Variants in CPS1 observed in about 807,000 individuals in gnomAD.
CPS1 encodes the protein carbamoyl-phosphate synthase [ammonia], mitochondrial.
CPS1 carries 109 observed loss-of-function variants against 174.6 expected under a neutral mutation model. The ratio of observed to expected loss-of-function variants is 0.62; its 90% CI spans 0.53 to 0.73. The LOEUF is 0.73. Among genes scored for constraint, CPS1 ranks in the 30% least tolerant of loss-of-function variants. The probability of loss-of-function intolerance (pLI) is 0.00; values close to 1 mark genes in which losing one functional copy is unlikely to be tolerated. For synonymous variants in CPS1, 637 were observed against 632.0 expected (o/e 1.01, Z -0.12); for missense variants, 1,689 against 1,821.9 (o/e 0.93, Z 1.33).
At chr2:210,540,737 C>A (rs1193848076) in intron 1 of CPS1, among the ~76,000 whole-genome samples, 1 of 152,092 alleles carries the variant, frequency 6.6e-6, no homozygotes, top group African/African-American at 2.4e-5. Flanking sequence ...AATTTCGGAA[C>A]CTTTTAAAAT....
At chr2:210,665,650 T>C (rs1200954701) in intron 33 of CPS1, among the ~76,000 whole-genome samples, 1 of 151,928 alleles carries the variant, frequency 6.6e-6, no homozygotes, top group Non-Finnish European at 1.5e-5. Flanking sequence ...ACAAAGGACA[T>C]GAACTCATCA....
chr2:210,652,721 T>C (rs1336304685), intron 28 of CPS1, among the ~76,000 whole-genome samples: 6 of 152,166 alleles, frequency 3.9e-5, no homozygotes, highest in Non-Finnish European at 7.4e-5. Context: ...GCAAGGGTTA[T>C]TATAATAGGT....
chr2:210,557,317 T>C (rs1417013298), intron 1 of CPS1, among the ~76,000 whole-genome samples: 11 of 152,106 alleles, frequency 7.2e-5, no homozygotes, highest in African/African-American at 2.7e-4. Context: ...AAAAACATAA[T>C]TAGAAAATAT....
chr2:210,492,950 T>C (rs1383059964), intron 1 of CPS1, among the ~76,000 whole-genome samples: 1 of 152,154 alleles, frequency 6.6e-6, no homozygotes, highest in Non-Finnish European at 1.5e-5. Context: ...TTCAAAGTAC[T>C]GACACATAGA....
upstream of CPS1, among the ~76,000 whole-genome samples, chr2:210,552,529 G>A (rs1696757818): frequency 6.6e-6 from 1 of 151,866 alleles, no homozygotes. Context: ...ATTTCAAGAG[G>A]GCAGTTGGAA....
intron 1 of CPS1, among the ~76,000 whole-genome samples, chr2:210,559,633 A>G (rs901100733): frequency 4.6e-5 from 7 of 152,136 alleles, no homozygotes; most frequent in African/African-American, 7.2e-5. Context: ...AGTACTGAAA[A>G]TGTTCAGCAC....
At chr2:210,571,198 TAAATTTAGTGAAGA>T (rs1275683095) in intron 1 of CPS1, among the ~76,000 whole-genome samples, 3 of 151,966 alleles carry the variant, frequency 2.0e-5, no homozygotes, top group African/African-American at 7.2e-5. Context: ...AAAGTATTTT[TAAATTTAGTGAAGA>T]CAAACTCCAA....
intron 21 of CPS1, among the ~76,000 whole-genome samples, chr2:210,634,809 A>C (rs921722157): frequency 6.6e-6 from 1 of 152,230 alleles, no homozygotes; most frequent in Non-Finnish European, 1.5e-5. Flanking sequence ...ATGACAATGA[A>C]TGTGGCTACC....
chr2:210,598,906 A>G (rs954687215), intron 13 of CPS1, among the ~76,000 whole-genome samples: 3 of 151,938 alleles, frequency 2.0e-5, no homozygotes, highest in African/African-American at 7.2e-5. Context: ...AAACAACAGA[A>G]TATACATTTT....
intron 4 of CPS1, 102 bp downstream of exon 4, chr2:210,577,612 G>T: frequency 5.6e-6 from 5 of 889,796 alleles, no homozygotes; most frequent in Non-Finnish European, 9.6e-6. Flanking sequence ...ATGTAGTTTG[G>T]GATCTTTGCA....
chr2:210,514,528 T>C (rs1413212940), intron 1 of CPS1, among the ~76,000 whole-genome samples: 2 of 151,916 alleles, frequency 1.3e-5, no homozygotes, highest in Non-Finnish European at 2.9e-5. Context: ...TACATTGATT[T>C]TATATTGTGA....
chr2:210,663,275 AATAAAG>A lies in CPS1; in HGVS notation c.4002+79_4002+84del, dbSNP rs1267351047. 3 of 1,346,862 alleles carry A rather than the reference AATAAAG, an allele frequency of 2.2e-6. No individual in the cohort carries two copies. In the African/African-American group the frequency reaches 4.3e-5, roughly 19 times the overall value. The allele number at this position is 1,346,862 out of a possible 1,614,324, so 83.4% of individuals were successfully genotyped here. A position where few individuals can be genotyped will look rare whatever the true frequency, so the allele number is the denominator to read the frequency against. ...TGGTTTTATGATTTGAATACAGTAA[AATAAAG>A]GGAATAAAAACATCTGCTATCAGAG... On this transcript the variant is annotated intron_variant, in intron 33 of 37. Transcript: ENST00000233072.
rs764150301 is a variant in CPS1 at position 210,648,531 on chromosome 2, A to G, written c.3395A>G (p.Tyr1132Cys). Residue 1132 changes from tyrosine (Y) to cysteine (C), a missense_variant, in exon 27 of 38, where the codon TAT becomes TGT. By Grantham distance (194) the Tyr-to-Cys change is radical. Transcript: ENST00000233072. ...VDYPCLLRPS[Y>C]VLSGSAMNVV... is the part of the protein sequence containing the mutation. ...TACCCCTGCTTGTTGAGGCCTTCCT[A>G]TGTTTTGAGGTAACACTGTATATTG... The G allele has an allele frequency of 5.6e-6, 9 of 1,613,360 alleles. No individual in the cohort carries two copies. The highest frequency in any genetic ancestry group is 3.3e-5 in the South Asian group (3 of 91,068).
intron 37 of CPS1, 55 bp from the exon 38 acceptor site, chr2:210,677,832 T>C: frequency 1.5e-6 from 2 of 1,368,972 alleles, no homozygotes; most frequent in East Asian, 4.6e-5. Context: ...CTTCATTCAT[T>C]AAAAATTCAC....
At chr2:210,505,993 C>T (rs1695271825) in intron 1 of CPS1, among the ~76,000 whole-genome samples, 1 of 152,188 alleles carries the variant, frequency 6.6e-6, no homozygotes, top group Non-Finnish European at 1.5e-5. Flanking sequence ...CAGCAGAAAC[C>T]TCTGCAGACT....
chr2:210,656,456 G>C, intron 29 of CPS1, 69 bp from the exon 30 acceptor site: 1 of 1,071,866 alleles, frequency 9.3e-7, no homozygotes, highest in South Asian at 1.3e-5. Flanking sequence ...GGGAGGATGA[G>C]GGAGTAGCTT....
chr2:210,518,224 T>C (rs894977659), intron 1 of CPS1, among the ~76,000 whole-genome samples: 1 of 152,016 alleles, frequency 6.6e-6, no homozygotes. Flanking sequence ...ATCTCTATGA[T>C]GATGCTGTTA....
In CPS1 at chr2:210,594,615, G is replaced by A; in HGVS notation, c.1263+9G>A. 6.3e-7 allele frequency: 1 copy of A among 1,599,168 alleles called. No homozygotes were observed. Among genetic ancestry groups the A allele is most frequent in the Non-Finnish European group, 8.6e-7 (1 of 1,167,452 alleles). On this transcript the variant is annotated intron_variant, in intron 12 of 37. Transcript: ENST00000233072. ...TTGCATCTCGGGTTGAGGTCAGTAT[G>A]TGGGCTTATTTTTGGTTTATGAATT...
At chr2:210,533,137 G>A (rs1297631253) in intron 1 of CPS1, among the ~76,000 whole-genome samples, 1 of 152,102 alleles carries the variant, frequency 6.6e-6, no homozygotes, top group East Asian at 1.9e-4. Context: ...CACCTGGTGA[G>A]GTCTATCTCT....
Sources: gnomAD v4.1 joint callset for allele counts (sites outside exome capture counted in the v4.1 genomes callset) on GRCh38, gnomAD v4.1.1 for gene constraint, MANE v1.5 for transcripts, NCBI Gene and HGNC (gene_info 2026-07-23, HGNC 2026-07-21) for gene names.